Variants in DNAJC7 observed in about 807,000 individuals in gnomAD.
DNAJC7 encodes DnaJ heat shock protein family (Hsp40) member C7.
In DNAJC7, 18 loss-of-function variants were observed where a neutral mutation model predicts 67.4. That is an observed-to-expected ratio of 0.27 (90% CI 0.18 to 0.40). The LOEUF is 0.40. DNAJC7 is among the 10% of genes least tolerant of loss of function. The probability of loss-of-function intolerance (pLI) is 1.00; values close to 1 mark genes in which losing one functional copy is unlikely to be tolerated. For missense variants in DNAJC7, 419 were observed against 613.8 expected (o/e 0.68, Z 3.35); for synonymous variants, 220 against 207.8 (o/e 1.06, Z -0.50).
At chr17:41,976,872 A>G in intron 13 of DNAJC7, 102 bp from the exon 14 acceptor site, 1 of 1,429,446 alleles carries the variant, frequency 7.0e-7, no homozygotes, top group Non-Finnish European at 9.5e-7. Context: ...TCAAACTCAA[A>G]CACAGAGAGA....
chr17:42,000,444 G>C (rs781805910), intron 2 of DNAJC7, 38 bp downstream of exon 2: 1 of 1,501,340 alleles, frequency 6.7e-7, no homozygotes, highest in East Asian at 2.3e-5. Flanking sequence ...TATTTGGCAA[G>C]TAAATGTTTT....
intron 1 of DNAJC7, among the ~76,000 whole-genome samples, chr17:42,012,445 T>A (rs1360162049): frequency 6.6e-6 from 1 of 152,186 alleles, no homozygotes; most frequent in African/African-American, 2.4e-5. Context: ...ATCACACCAC[T>A]GCACTCCAGC....
chr17:41,981,869 CCCT>C lies in DNAJC7; in HGVS notation c.1367_1369del (p.Glu456del), dbSNP rs781924322. 6.2e-6 allele frequency: 10 copies of C among 1,613,664 alleles called. No homozygotes were observed. Among genetic ancestry groups the C allele is most frequent in the Middle Eastern group, 3.3e-4 (2 of 6,058 alleles). ...AGCCAACTCACCACCCATATTCATG[CCCT>C]CCTCATCTAGGTCCTGTCCACTGTC... On this transcript the variant is annotated inframe_deletion, in exon 12 of 14. Transcript: ENST00000457167.
intron 1 of DNAJC7, among the ~76,000 whole-genome samples, chr17:42,007,906 C>T (rs1050440296): frequency 2.0e-4 from 25 of 125,272 alleles, no homozygotes; most frequent in African/African-American, 7.0e-4. Flanking sequence ...AGTGCAATGG[C>T]GTGATCTCAG....
At chr17:41,979,482 G>A (rs1255950952) in intron 12 of DNAJC7, among the ~76,000 whole-genome samples, 1 of 150,958 alleles carries the variant, frequency 6.6e-6, no homozygotes, top group Non-Finnish European at 1.5e-5. Context: ...GACCAGCCCG[G>A]CCAACATGGT....
At position 41,977,287 on chromosome 17, in the gene DNAJC7, C is replaced by T; in HGVS notation, c.1421G>A (p.Gly474Asp). The T allele has an allele frequency of 6.3e-7, 1 of 1,585,216 alleles. No homozygotes were observed. The highest frequency in any genetic ancestry group is 8.6e-7 in the Non-Finnish European group (1 of 1,165,822). Residue 474 changes from glycine to aspartate, a missense_variant, in exon 13 of 14, where the codon GGC becomes GAC. Physicochemically the swap from Gly to Asp is moderately conservative, Grantham distance 94. Coordinates refer to ENST00000457167, the MANE Select transcript of DNAJC7 (RefSeq NM_003315.4). ...TTCAAAGCTGAAGCCGCCAGGACCG[C>T]CAAAGAATGCCTTGAAGATATTGTT... ...DPNNIFKAFF[G>D]GPGGFSFEAS...
chr17:42,003,950 A>ATTTTTTTTTTTTTTTT (rs10631965), intron 1 of DNAJC7, among the ~76,000 whole-genome samples: 2 of 94,330 alleles, frequency 2.1e-5, no homozygotes, highest in Admixed American at 1.5e-4. Flanking sequence ...AAGATTTTCA[A>ATTTTTTTTTTTTTTTT]TTTTTTTTTT....
rs146719049 is a variant in DNAJC7 at position 41,995,340 on chromosome 17, A to G, written c.406-396T>C. ...GTTTGAACTTCAAGTCAGGAACACA[A>G]GTGTTATGCTTGATATACATGAAAT... On this transcript the variant is annotated intron_variant, in intron 4 of 13. Coordinates refer to ENST00000457167, the MANE Select transcript of DNAJC7 (RefSeq NM_003315.4). Among the ~76,000 whole-genome samples the G allele has an allele frequency of 3.0e-4, 45 of 152,336 alleles. 1 individual carries two copies. In the East Asian group the frequency reaches 6.0e-3, roughly 20 times the overall value.
At chr17:41,987,791 C>G in intron 9 of DNAJC7, 28 bp downstream of exon 9, 1 of 1,577,772 alleles carries the variant, frequency 6.3e-7, no homozygotes, top group Non-Finnish European at 8.6e-7. Flanking sequence ...GCAACTCCCT[C>G]TTCCCCCTAC....
chr17:41,996,026 ATTC>A (rs1236060795), intron 4 of DNAJC7, among the ~76,000 whole-genome samples: 1 of 152,298 alleles, frequency 6.6e-6, no homozygotes, highest in African/African-American at 2.4e-5. Flanking sequence ...AAACTCTTAA[ATTC>A]TTTAACCTCA....
intron 12 of DNAJC7, 120 bp downstream of exon 12, chr17:41,981,735 T>C: frequency 7.3e-7 from 1 of 1,372,466 alleles, no homozygotes; most frequent in Non-Finnish European, 1.0e-6. Flanking sequence ...CCATGTCTAT[T>C]ACTGTTTGGA....
intron 12 of DNAJC7, among the ~76,000 whole-genome samples, chr17:41,978,463 TCTTC>T (rs1485632934): frequency 1.3e-5 from 2 of 152,174 alleles, no homozygotes; most frequent in Non-Finnish European, 2.9e-5. Context: ...ACCTTTTGTG[TCTTC>T]CTTCCATCTC....
chr17:42,005,939 ATTTAT>A (rs1317719060), intron 1 of DNAJC7, among the ~76,000 whole-genome samples: 1 of 145,988 alleles, frequency 6.8e-6, no homozygotes, highest in Non-Finnish European at 1.5e-5. Flanking sequence ...TTATTTATTT[ATTTAT>A]TTAATTTTTT....
rs530091625 is a variant in DNAJC7, at chr17:41,987,595, C to T, written c.1010+224G>A. Reference sequence around the variant, plus strand: ...CAGGCATCAGAGGAAACTTACTGACCGTGAGGGGCGTTAGACACAGGCATG... The same window carrying T: ...CAGGCATCAGAGGAAACTTACTGACTGTGAGGGGCGTTAGACACAGGCATG... On this transcript the variant is annotated intron_variant, in intron 9 of 13. Coordinates refer to ENST00000457167, the MANE Select transcript of DNAJC7 (RefSeq NM_003315.4). The T allele has an allele frequency of 1.0e-5, 5 of 488,550 alleles. No homozygotes were observed. The South Asian group carries it at 1.1e-4, about 11-fold the overall frequency. The allele number at this position is 488,550 out of a possible 1,614,324, so 30.3% of individuals were successfully genotyped here.
At chr17:41,985,015 G>A (rs961890416) in intron 9 of DNAJC7, 1 of 152,230 alleles carries the variant, frequency 6.6e-6, no homozygotes, top group African/African-American at 2.4e-5. Context: ...TTTTAGTAGA[G>A]ATGGGGTTTC....
rs1555652139 is a variant in DNAJC7 at position 42,017,396 on chromosome 17, G to A, written c.21C>T (p.Cys7=). Reference sequence around the variant, plus strand: ...GCTCGGTCGCCGCCATTACCACATCGCACTCCGCGGCAGCCGCCATCTTAC... The same window carrying A: ...GCTCGGTCGCCGCCATTACCACATCACACTCCGCGGCAGCCGCCATCTTAC... MAAAAE[C]DVVMAATEPE... Residue 7 remains cysteine, a synonymous_variant, in exon 1 of 14, where the codon TGC becomes TGT. Transcript: ENST00000457167. The A allele has an allele frequency of 1.9e-6, 3 of 1,608,886 alleles. No individual in the cohort carries two copies. The highest frequency in any genetic ancestry group is 1.1e-5 in the South Asian group (1 of 91,088).
intron 12 of DNAJC7, among the ~76,000 whole-genome samples, chr17:41,977,922 C>T (rs2051135332): frequency 1.3e-5 from 2 of 152,042 alleles, no homozygotes; most frequent in African/African-American, 2.4e-5. Flanking sequence ...CAACACTGCA[C>T]CCCAGCCTGG....
intron 4 of DNAJC7, among the ~76,000 whole-genome samples, chr17:41,995,187 CCT>C (rs1296006567): frequency 6.6e-6 from 1 of 152,076 alleles, no homozygotes; most frequent in African/African-American, 2.4e-5. Flanking sequence ...TGGTACTCGA[CCT>C]CTCATAGAAG....
At chr17:42,009,805 A>AC (rs2052069211) in intron 1 of DNAJC7, among the ~76,000 whole-genome samples, 1 of 152,234 alleles carries the variant, frequency 6.6e-6, no homozygotes, top group Non-Finnish European at 1.5e-5. Context: ...CTATAGGGAC[A>AC]CCAGCACCCA....
Sources: gnomAD v4.1 joint callset for allele counts (sites outside exome capture counted in the v4.1 genomes callset) on GRCh38, gnomAD v4.1.1 for gene constraint, MANE v1.5 for transcripts, NCBI Gene and HGNC (gene_info 2026-07-23, HGNC 2026-07-21) for gene names.